CD247: variants seen among roughly 807,000 people sequenced by gnomAD.
CD247 encodes CD247 molecule.
A neutral mutation model predicts 30.0 loss-of-function variants in CD247; 13 were observed. The observed-to-expected ratio is 0.43, with a 90% CI of 0.28 to 0.69. The LOEUF (loss-of-function observed/expected upper bound fraction) is 0.69, where lower values mean the gene tolerates loss of function less well. Ranked by LOEUF, CD247 falls within the 30% of genes least tolerant of loss-of-function variation. The probability of loss-of-function intolerance (pLI) is 0.16; values close to 1 mark genes in which losing one functional copy is unlikely to be tolerated. For missense variants in CD247, 193 were observed against 212.6 expected (o/e 0.91, Z 0.57); for synonymous variants, 72 against 80.0 (o/e 0.90, Z 0.53).
chr1:167,498,894 T>C (rs1654798118), intron 1 of CD247, among the ~76,000 whole-genome samples: 1 of 152,232 alleles, frequency 6.6e-6, no homozygotes, highest in African/African-American at 2.4e-5. Context: ...GGTTGCTTTC[T>C]ATGGTTTACG....
In CD247 at chr1:167,431,736, G is replaced by A; in HGVS notation, c.440C>T (p.Thr147Ile). The A allele has an allele frequency of 6.2e-7, 1 of 1,614,014 alleles. No homozygotes were observed. Residue 147 changes from threonine (T) to isoleucine (I), a missense_variant, in exon 8 of 8, where the codon ACA (threonine) becomes ATA (isoleucine). Transcript: ENST00000362089. ...GGCGTCGTAGGTGTCCTTGGTGGCT[G>A]TACTGAGACCCTGGCGTGAAAGCAA... ...GHDGLYQGLS[T>I]ATKDTYDALH... is the part of the protein sequence containing the mutation.
chr1:167,434,594 G>C, intron 5 of CD247: 1 of 362,868 alleles, frequency 2.8e-6, no homozygotes, highest in South Asian at 2.1e-5. Flanking sequence ...GGGTGAGGTT[G>C]ACCTTCCTAT....
At chr1:167,481,851 G>T (rs895691950) in intron 1 of CD247, among the ~76,000 whole-genome samples, 1 of 152,094 alleles carries the variant, frequency 6.6e-6, no homozygotes, top group Non-Finnish European at 1.5e-5. Context: ...ATTTCAAAGG[G>T]GACACACTGA....
At chr1:167,497,184 T>G (rs892379667) in intron 1 of CD247, among the ~76,000 whole-genome samples, 6 of 152,198 alleles carry the variant, frequency 3.9e-5, no homozygotes, top group African/African-American at 1.4e-4. Context: ...GACCATGATT[T>G]ATTGCTAAGT....
intron 1 of CD247, among the ~76,000 whole-genome samples, chr1:167,470,504 T>TAAAAAAAAAAAAAAAAAAAAAAAA (rs55679205): frequency 1.6e-5 from 2 of 122,482 alleles, no homozygotes; most frequent in African/African-American, 3.3e-5. Flanking sequence ...ATGTTAATTG[T>TAAAAAAAAAAAAAAAAAAAAAAAA]AAAAAAAAAA....
chr1:167,495,661 ACT>A (rs1227131489), intron 1 of CD247, among the ~76,000 whole-genome samples: 1 of 151,342 alleles, frequency 6.6e-6, no homozygotes, highest in Non-Finnish European at 1.5e-5. Flanking sequence ...TGCAACTGTC[ACT>A]CTCTCCCCAA....
At chr1:167,466,843 CT>C (rs58330914) in intron 1 of CD247, among the ~76,000 whole-genome samples, 189 of 144,790 alleles carry the variant, frequency 1.3e-3, no homozygotes, top group Admixed American at 1.5e-3. Flanking sequence ...TTATCCTCTT[CT>C]TTTTTTTTTT....
intron 1 of CD247, among the ~76,000 whole-genome samples, chr1:167,441,379 C>G (rs1272044747): frequency 6.6e-6 from 1 of 152,258 alleles, no homozygotes; most frequent in East Asian, 1.9e-4. Context: ...TGAAGGGTTT[C>G]ATGGCCAACA....
chr1:167,482,476 C>T (rs1008574372), intron 1 of CD247, among the ~76,000 whole-genome samples: 12 of 152,216 alleles, frequency 7.9e-5, no homozygotes, highest in Non-Finnish European at 1.8e-4. Flanking sequence ...CTCTGGGTGT[C>T]TTCCAAACAC....
chr1:167,473,266 C>G (rs1410549130), intron 1 of CD247, among the ~76,000 whole-genome samples: 1 of 152,198 alleles, frequency 6.6e-6, no homozygotes, highest in Non-Finnish European at 1.5e-5. Context: ...CCTCCACCGC[C>G]CAGGGGGCAA....
At chr1:167,468,711 G>A (rs1276246371) in intron 1 of CD247, among the ~76,000 whole-genome samples, 1 of 152,106 alleles carries the variant, frequency 6.6e-6, no homozygotes, top group Non-Finnish European at 1.5e-5. Flanking sequence ...CCCAGTAAAG[G>A]GAAACCAAGG....
At chr1:167,503,453 A>G (rs1269236373) in intron 1 of CD247, among the ~76,000 whole-genome samples, 1 of 152,158 alleles carries the variant, frequency 6.6e-6, no homozygotes, top group Non-Finnish European at 1.5e-5. Context: ...TTTCCATTGC[A>G]TTGCATAACT....
chr1:167,431,043 G>A lies in CD247; in HGVS notation c.*638C>T, dbSNP rs531702252. The A allele has an allele frequency of 9.1e-5, 38 of 419,386 alleles. No homozygotes were observed. The highest frequency in any genetic ancestry group is 5.3e-4 in the African/African-American group (26 of 49,192). The allele number at this position is 419,386 out of a possible 1,614,324, so 26.0% of individuals were successfully genotyped here. On this transcript the variant is annotated 3_prime_UTR_variant, in exon 8 of 8. Coordinates refer to ENST00000362089, the MANE Select transcript of CD247 (RefSeq NM_198053.3). ...AGCACATGGTACAGTTCAATGGTGC[G>A]GCACAGAGGCCTGAGGCAGGGAGGC...
At chr1:167,475,632 G>T (rs1291602207) in intron 1 of CD247, among the ~76,000 whole-genome samples, 3 of 152,162 alleles carry the variant, frequency 2.0e-5, no homozygotes, top group Admixed American at 2.0e-4. Flanking sequence ...AAATGTTCTT[G>T]CTACATTAAA....
chr1:167,452,993 G>A (rs1039869502), intron 1 of CD247, among the ~76,000 whole-genome samples: 7 of 89,788 alleles, frequency 7.8e-5, no homozygotes, highest in Non-Finnish European at 1.8e-4. Flanking sequence ...CAATATGTGT[G>A]TGTATGTGTG....
intron 1 of CD247, among the ~76,000 whole-genome samples, chr1:167,463,879 C>CA (rs1210326425): frequency 6.6e-6 from 1 of 152,148 alleles, no homozygotes; most frequent in African/African-American, 2.4e-5. Flanking sequence ...AGGGGATGGT[C>CA]AGAGAAATGG....
At chr1:167,460,760 C>T (rs550267826) in intron 1 of CD247, among the ~76,000 whole-genome samples, 4 of 152,158 alleles carry the variant, frequency 2.6e-5, no homozygotes, top group Non-Finnish European at 5.9e-5. Context: ...CCCCGACAGG[C>T]CCTGGTGTGT....
intron 1 of CD247, among the ~76,000 whole-genome samples, chr1:167,517,959 A>T (rs1331424684): frequency 1.3e-5 from 2 of 152,140 alleles, no homozygotes. Context: ...TTGGCAAAGG[A>T]AGAAAGAAAG....
intron 1 of CD247, among the ~76,000 whole-genome samples, chr1:167,471,285 C>A (rs1195875955): frequency 3.3e-5 from 5 of 152,170 alleles, no homozygotes; most frequent in Non-Finnish European, 7.3e-5. Context: ...CTCTATCTTT[C>A]TGGAAAGTAA....
Sources: allele counts gnomAD v4.1 joint callset (sites outside exome capture counted in the v4.1 genomes callset), GRCh38; gene constraint gnomAD v4.1.1; transcripts MANE v1.5; gene names NCBI Gene and HGNC (gene_info 2026-07-23, HGNC 2026-07-21).